The following NUDT3 variants were observed in gnomAD, a reference collection of about 807,000 sequenced individuals.
NUDT3 encodes nudix hydrolase 3, also known as diphosphoinositol polyphosphate phosphohydrolase 1.
Under a neutral mutation model 23.6 loss-of-function variants are expected in NUDT3, and 9 were observed. That is an observed-to-expected ratio of 0.38 (90% confidence interval 0.23 to 0.66). NUDT3 has a LOEUF of 0.66. Among genes scored for constraint, NUDT3 ranks in the 30% least tolerant of loss-of-function variants. The pLI, the probability that NUDT3 is intolerant of heterozygous loss-of-function variation, is 0.52. For synonymous variants in NUDT3, 86 were observed against 82.6 expected (o/e 1.04, Z -0.22); for missense variants, 172 against 218.5 (o/e 0.79, Z 1.34).
intron 1 of NUDT3, among the ~76,000 whole-genome samples, chr6:34,391,087 T>G (rs1029848142): frequency 2.6e-5 from 4 of 152,196 alleles, no homozygotes; most frequent in African/African-American, 9.6e-5. Context: ...CTAATTTTCT[T>G]CAGGCAGTAA....
chr6:34,311,807 A>G (rs1218399527), intron 2 of NUDT3, among the ~76,000 whole-genome samples: 2 of 152,234 alleles, frequency 1.3e-5, no homozygotes, highest in Non-Finnish European at 2.9e-5. Context: ...AATAAGAACG[A>G]TACAATGGAG....
chr6:34,311,396 A>G (rs1393839437), intron 2 of NUDT3, among the ~76,000 whole-genome samples: 2 of 152,220 alleles, frequency 1.3e-5, no homozygotes, highest in African/African-American at 4.8e-5. Context: ...TACAAGATCT[A>G]TATAAAAAAA....
intron 4 of NUDT3, 131 bp from the exon 5 acceptor site, chr6:34,289,062 G>T: frequency 8.6e-7 from 1 of 1,163,750 alleles, no homozygotes; most frequent in Non-Finnish European, 1.2e-6. Flanking sequence ...AATAACTCAA[G>T]CACACTTCAT....
chr6:34,378,493 G>A (rs1405270531), intron 1 of NUDT3, among the ~76,000 whole-genome samples: 1 of 152,172 alleles, frequency 6.6e-6, no homozygotes, highest in Non-Finnish European at 1.5e-5. Context: ...ACAAAGCCTG[G>A]CTGTCTGAAG....
intron 1 of NUDT3, among the ~76,000 whole-genome samples, chr6:34,391,609 G>T (rs1164002656): frequency 1.3e-5 from 2 of 152,164 alleles, no homozygotes; most frequent in African/African-American, 4.8e-5. Context: ...CAATTAACAT[G>T]AAACATTTTC....
chr6:34,345,662 CA>C (rs569837635), intron 1 of NUDT3, among the ~76,000 whole-genome samples: 224 of 66,650 alleles, frequency 3.4e-3, no homozygotes, highest in Middle Eastern at 0.017. Flanking sequence ...GACTCCGTCC[CA>C]AAAAAAAAAA....
At chr6:34,367,636 T>C (rs560036846) in intron 1 of NUDT3, among the ~76,000 whole-genome samples, 106 of 152,262 alleles carry the variant, frequency 7.0e-4, no homozygotes, top group Non-Finnish European at 1.3e-3. Flanking sequence ...CCAAAAACAC[T>C]AGGACAAACC....
intron 2 of NUDT3, among the ~76,000 whole-genome samples, chr6:34,299,220 GT>G (rs1312983206): frequency 6.6e-6 from 1 of 152,116 alleles, no homozygotes; most frequent in Non-Finnish European, 1.5e-5. Context: ...GAATTCAAGG[GT>G]ATATTAAATT....
chr6:34,381,298 T>G (rs1581902307), intron 1 of NUDT3, among the ~76,000 whole-genome samples: 1 of 152,154 alleles, frequency 6.6e-6, no homozygotes, highest in East Asian at 1.9e-4. Flanking sequence ...ATTGCAGGTG[T>G]GAGTCACTGC....
At chr6:34,301,836 G>C (rs1432985577) in intron 2 of NUDT3, among the ~76,000 whole-genome samples, 1 of 152,200 alleles carries the variant, frequency 6.6e-6, no homozygotes, top group Admixed American at 6.5e-5. Flanking sequence ...TCAATATTTA[G>C]TATTTGTTGT....
chr6:34,373,242 G>A (rs1035460792), intron 1 of NUDT3, among the ~76,000 whole-genome samples: 2 of 147,512 alleles, frequency 1.4e-5, no homozygotes, highest in Admixed American at 6.9e-5. Flanking sequence ...TCACGCCACT[G>A]CACTCTAGCC....
intron 2 of NUDT3, among the ~76,000 whole-genome samples, chr6:34,324,416 G>A (rs1455393835): frequency 6.6e-6 from 1 of 151,280 alleles, no homozygotes; most frequent in African/African-American, 2.4e-5. Context: ...TGTTATTGTT[G>A]CTGTTTTTGA....
intron 2 of NUDT3, among the ~76,000 whole-genome samples, chr6:34,339,583 G>C (rs369455132): frequency 2.6e-5 from 4 of 152,214 alleles, no homozygotes; most frequent in Non-Finnish European, 5.9e-5. Context: ...TACACTCTGA[G>C]TAGCAAGAGC....
At chr6:34,298,643 G>A (rs1763551810) in intron 2 of NUDT3, among the ~76,000 whole-genome samples, 1 of 35,186 alleles carries the variant, frequency 2.8e-5, no homozygotes, top group Admixed American at 4.0e-4. Flanking sequence ...AAGAGATGGT[G>A]TCTATGTTGC....
chr6:34,337,248 A>G (rs17696829), intron 2 of NUDT3, among the ~76,000 whole-genome samples: 14,405 of 152,182 alleles, frequency 0.095, 787 homozygotes, highest in Non-Finnish European at 0.12. Flanking sequence ...CTGACTGCAG[A>G]AAAAAAATTA....
In NUDT3 at chr6:34,288,524, A is replaced by C; in HGVS notation, c.*229T>G. The C allele has an allele frequency of 1.9e-6, 1 of 537,548 alleles. No homozygotes were observed. The highest frequency in any genetic ancestry group is 3.1e-6 in the Non-Finnish European group (1 of 318,036). The allele number at this position is 537,548 out of a possible 1,614,324, so 33.3% of individuals were successfully genotyped here. ...AAGAGGGAGGGACAGATCATGCACA[A>C]AAGTACTTACAAATTACACACCCAA... On this transcript the variant is annotated 3_prime_UTR_variant, in exon 5 of 5. Transcript: ENST00000607016.
rs556183154 is a variant in NUDT3, at chr6:34,350,067, C to T, written c.100-8095G>A. Reference sequence around the variant, plus strand: ...TCGCGCCACTGCACTCCAGCCTGGGCGACAGAGCGAAACTCCGTCTCAAAA... The same window carrying T: ...TCGCGCCACTGCACTCCAGCCTGGGTGACAGAGCGAAACTCCGTCTCAAAA... On this transcript the variant is annotated intron_variant, in intron 1 of 4. Transcript: ENST00000607016. Among the ~76,000 whole-genome samples, 9 of 148,656 alleles carry T rather than the reference C, an allele frequency of 6.1e-5. No individual in the cohort carries two copies. In the East Asian group the frequency reaches 1.4e-3, roughly 22 times the overall value.
chr6:34,348,663 C>A (rs1354648051), intron 1 of NUDT3, among the ~76,000 whole-genome samples: 4 of 152,002 alleles, frequency 2.6e-5, no homozygotes, highest in African/African-American at 9.7e-5. Flanking sequence ...GTAGTCCCAG[C>A]TACTCAGGAG....
rs531709581 is a variant in NUDT3, at chr6:34,285,983, G to C, written c.*2770C>G. 6.6e-6 allele frequency: 1 copy of C among 152,314 alleles called. No individual in the cohort carries two copies. The highest frequency in any genetic ancestry group is 2.4e-5 in the African/African-American group (1 of 41,570). 9.4% of individuals were successfully genotyped at this position (152,314 alleles called of 1,614,324 possible). A position where few individuals can be genotyped will look rare whatever the true frequency, so the allele number is the denominator to read the frequency against. On this transcript the variant is annotated 3_prime_UTR_variant, in exon 5 of 5. Transcript: ENST00000607016. ...AAAGACACCAACAACAATCAAAACT[G>C]CACTTTCAGGGTAGTATATTGTTAC...
Sources: gnomAD v4.1 joint callset for allele counts (sites outside exome capture counted in the v4.1 genomes callset) on GRCh38, gnomAD v4.1.1 for gene constraint, MANE v1.5 for transcripts, NCBI Gene and HGNC (gene_info 2026-07-23, HGNC 2026-07-21) for gene names.